Variants in ZNF385D observed in about 807,000 individuals in gnomAD.
The protein encoded by ZNF385D is zinc finger protein 385D, also known as zinc finger protein 659.
ZNF385D carries 15 observed loss-of-function variants against 35.8 expected under a neutral mutation model. The ratio of observed to expected loss-of-function variants is 0.42; its 90% CI spans 0.28 to 0.64. ZNF385D has a LOEUF of 0.64. Ranked by LOEUF, ZNF385D falls within the 30% of genes least tolerant of loss-of-function variation. The probability of loss-of-function intolerance (pLI) is 0.23; values close to 1 mark genes in which losing one functional copy is unlikely to be tolerated. For synonymous variants in ZNF385D, 212 were observed against 186.8 expected (o/e 1.13, Z -1.10); for missense variants, 474 against 494.6 (o/e 0.96, Z 0.39).
At chr3:22,085,318 T>A (rs979818812) in intron 3 of ZNF385D, among the ~76,000 whole-genome samples, 2 of 151,930 alleles carry the variant, frequency 1.3e-5, no homozygotes, top group Non-Finnish European at 2.9e-5. Context: ...ATTAATGAAA[T>A]AGACCTCTAA....
intron 2 of ZNF385D, among the ~76,000 whole-genome samples, chr3:22,349,846 T>C (rs1695836566): frequency 6.6e-6 from 1 of 152,188 alleles, no homozygotes; most frequent in African/African-American, 2.4e-5. Context: ...ACATTGCCAT[T>C]ATTAATTTTC....
At chr3:21,647,321 C>T (rs1426686182) in intron 2 of ZNF385D, among the ~76,000 whole-genome samples, 1 of 150,706 alleles carries the variant, frequency 6.6e-6, no homozygotes, top group Non-Finnish European at 1.5e-5. Flanking sequence ...ATTAATCCAT[C>T]CTTCCTTCCT....
At chr3:22,226,259 T>C (rs765836041) in intron 2 of ZNF385D, among the ~76,000 whole-genome samples, 4 of 152,156 alleles carry the variant, frequency 2.6e-5, no homozygotes, top group Admixed American at 2.6e-4. Flanking sequence ...ACACAAGAAT[T>C]ATAAGCAAGT....
intron 3 of ZNF385D, among the ~76,000 whole-genome samples, chr3:21,994,960 C>A (rs34760663): frequency 0.11 from 16,351 of 152,204 alleles, 1,170 homozygotes; most frequent in South Asian, 0.25. Flanking sequence ...ACACTTGAGC[C>A]CTCAGATGGC....
intron 4 of ZNF385D, among the ~76,000 whole-genome samples, chr3:21,470,294 A>G (rs1354017109): frequency 6.6e-6 from 1 of 152,140 alleles, no homozygotes; most frequent in African/African-American, 2.4e-5. Context: ...GCAGTTTTCT[A>G]GGTAGCTTCA....
chr3:22,137,960 A>C (rs1253919450), intron 3 of ZNF385D, among the ~76,000 whole-genome samples: 2 of 152,216 alleles, frequency 1.3e-5, no homozygotes, highest in African/African-American at 4.8e-5. Context: ...CTGATAAGCA[A>C]CTTCAGCAAA....
intron 3 of ZNF385D, among the ~76,000 whole-genome samples, chr3:22,111,021 C>G (rs1373104627): frequency 6.6e-6 from 1 of 151,748 alleles, no homozygotes; most frequent in East Asian, 1.9e-4. Flanking sequence ...AAAGGTCACT[C>G]TAGTGTCATT....
chr3:22,081,120 C>G (rs188303669), intron 3 of ZNF385D, among the ~76,000 whole-genome samples: 1 of 152,160 alleles, frequency 6.6e-6, no homozygotes, highest in Non-Finnish European at 1.5e-5. Flanking sequence ...CTCTTAATGT[C>G]TCCTATATCC....
chr3:22,084,871 CTG>C (rs1348921848), intron 3 of ZNF385D, among the ~76,000 whole-genome samples: 3 of 152,178 alleles, frequency 2.0e-5, no homozygotes, highest in African/African-American at 7.2e-5. Context: ...TCACAACAAA[CTG>C]TCTCTCAGAC....
intron 2 of ZNF385D, among the ~76,000 whole-genome samples, chr3:22,279,375 T>C (rs1701599478): frequency 6.6e-6 from 1 of 151,834 alleles, no homozygotes; most frequent in Non-Finnish European, 1.5e-5. Context: ...CTTCCACTCC[T>C]GAATTACTTC....
At chr3:22,101,392 T>C (rs922254077) in intron 3 of ZNF385D, among the ~76,000 whole-genome samples, 1 of 152,062 alleles carries the variant, frequency 6.6e-6, no homozygotes, top group African/African-American at 2.4e-5. Flanking sequence ...AAGCAAAGGA[T>C]GCAAGTTCAC....
chr3:21,923,678 A>G (rs1700587043), intron 3 of ZNF385D, among the ~76,000 whole-genome samples: 1 of 148,988 alleles, frequency 6.7e-6, no homozygotes, highest in African/African-American at 2.6e-5. Context: ...ATGCAGCCAT[A>G]AAAAAGAACA....
At chr3:21,674,013 T>C (rs1427963017) in intron 1 of ZNF385D, among the ~76,000 whole-genome samples, 2 of 152,114 alleles carry the variant, frequency 1.3e-5, no homozygotes, top group African/African-American at 4.8e-5. Context: ...GAAAAAATAA[T>C]GCTAAAATCT....
At chr3:21,988,166 A>G (rs1194697596) in intron 3 of ZNF385D, among the ~76,000 whole-genome samples, 6 of 130,848 alleles carry the variant, frequency 4.6e-5, no homozygotes, top group Admixed American at 7.2e-5. Flanking sequence ...TCTTCTCTCA[A>G]CTCGTCAAAA....
chr3:21,979,210 T>C (rs1249089560), intron 3 of ZNF385D, among the ~76,000 whole-genome samples: 1 of 152,108 alleles, frequency 6.6e-6, no homozygotes, highest in Admixed American at 6.5e-5. Context: ...TGGGGGACCA[T>C]GGGGTATTTT....
chr3:22,208,672 C>T (rs1311166851), intron 2 of ZNF385D, among the ~76,000 whole-genome samples: 2 of 150,370 alleles, frequency 1.3e-5, no homozygotes, highest in Admixed American at 6.7e-5. Context: ...TCTTATGTAC[C>T]CCATAAATAT....
intron 3 of ZNF385D, among the ~76,000 whole-genome samples, chr3:21,999,419 G>C (rs1029826840): frequency 6.6e-6 from 1 of 151,804 alleles, no homozygotes; most frequent in Non-Finnish European, 1.5e-5. Context: ...TTGCTTGTTT[G>C]ATTTAAATGA....
At chr3:22,271,529 G>A (rs564430868) in intron 2 of ZNF385D, among the ~76,000 whole-genome samples, 14 of 151,780 alleles carry the variant, frequency 9.2e-5, no homozygotes, top group Non-Finnish European at 1.5e-4. Flanking sequence ...ATTTAATCGG[G>A]CCTCAGCTTA....
chr3:21,812,708 T>G (rs2072979810), intron 3 of ZNF385D, among the ~76,000 whole-genome samples: 1 of 152,214 alleles, frequency 6.6e-6, no homozygotes, highest in Non-Finnish European at 1.5e-5. Context: ...AAGCTCGAAC[T>G]GCGTGGAGCC....
Sources: gnomAD v4.1 joint callset for allele counts (sites outside exome capture counted in the v4.1 genomes callset) on GRCh38, gnomAD v4.1.1 for gene constraint, MANE v1.5 for transcripts, NCBI Gene and HGNC (gene_info 2026-07-23, HGNC 2026-07-21) for gene names.